Variants in SIPA1L1 observed in about 807,000 individuals in gnomAD.
SIPA1L1 encodes signal-induced proliferation-associated 1-like protein 1.
A neutral mutation model predicts 162.7 loss-of-function variants in SIPA1L1; 26 were observed. That is an observed-to-expected ratio of 0.16 (90% CI 0.12 to 0.22). The LOEUF (loss-of-function observed/expected upper bound fraction) is 0.22. SIPA1L1 is among the 10% of genes least tolerant of loss of function. The pLI, the probability that SIPA1L1 is intolerant of heterozygous loss-of-function variation, is 1.00. For synonymous variants in SIPA1L1, 829 were observed against 837.4 expected (o/e 0.99, Z 0.17); for missense variants, 1,874 against 2,241.0 (o/e 0.84, Z 3.31).
chr14:71,577,075 A>C (rs1421344641), intron 4 of SIPA1L1, among the ~76,000 whole-genome samples: 1 of 151,252 alleles, frequency 6.6e-6, no homozygotes, highest in African/African-American at 2.4e-5. Flanking sequence ...AGAGCAAAAA[A>C]AAAAAAAAAA....
At chr14:71,515,819 T>A (rs2051667486) in intron 3 of SIPA1L1, among the ~76,000 whole-genome samples, 1 of 152,038 alleles carries the variant, frequency 6.6e-6, no homozygotes, top group Non-Finnish European at 1.5e-5. Flanking sequence ...TTTGTTGTTG[T>A]TTAGTAGAGA....
chr14:71,661,364 C>T lies in SIPA1L1; in HGVS notation c.2152C>T (p.Pro718Ser). Residue 718 changes from proline to serine, a missense_variant, in exon 10 of 24, where the codon CCT becomes TCT. By Grantham distance (74) the Pro-to-Ser change is moderately conservative. Transcript: ENST00000381232. ...TATCGTAACAATTGTTTTCCAAGAG[C>T]CTGGAGCACAGCCATTCAGCCCAAA... ...NDIVTIVFQE[P>S]GAQPFSPKNI... The T allele has an allele frequency of 6.2e-7, 1 of 1,613,974 alleles. No homozygotes were observed.
intron 12 of SIPA1L1, among the ~76,000 whole-genome samples, chr14:71,674,436 A>G (rs553515781): frequency 1.5e-4 from 23 of 152,056 alleles, no homozygotes; most frequent in African/African-American, 5.6e-4. Context: ...AATAACTAAT[A>G]TACTGAGTTT....
chr14:71,522,296 T>G (rs1245331514), intron 3 of SIPA1L1, among the ~76,000 whole-genome samples: 2 of 152,320 alleles, frequency 1.3e-5, no homozygotes, highest in East Asian at 3.9e-4. Flanking sequence ...TTTATGTCTC[T>G]TGGTATTGAT....
intron 4 of SIPA1L1, among the ~76,000 whole-genome samples, chr14:71,530,565 A>T: frequency 6.6e-6 from 1 of 152,208 alleles, no homozygotes; most frequent in East Asian, 1.9e-4. Flanking sequence ...AAAAGCATAT[A>T]AGGCATAACA....
At chr14:71,365,838 A>T (rs533060738) in intron 2 of SIPA1L1, among the ~76,000 whole-genome samples, 3 of 149,532 alleles carry the variant, frequency 2.0e-5, no homozygotes. Flanking sequence ...CCATCCTCCT[A>T]CCTCAGCCTC....
intron 5 of SIPA1L1, among the ~76,000 whole-genome samples, chr14:71,602,239 C>T (rs566782374): frequency 6.6e-6 from 1 of 152,038 alleles, no homozygotes; most frequent in African/African-American, 2.4e-5. Context: ...CATATCCCAT[C>T]GGTTTTGTAC....
At chr14:71,490,897 A>G (rs1226358574) in intron 2 of SIPA1L1, among the ~76,000 whole-genome samples, 4 of 152,182 alleles carry the variant, frequency 2.6e-5, no homozygotes, top group Non-Finnish European at 5.9e-5. Context: ...ATCGTAGAGA[A>G]CATTTTCAAA....
chr14:71,356,988 A>G (rs2037338337), intron 2 of SIPA1L1, among the ~76,000 whole-genome samples: 1 of 152,166 alleles, frequency 6.6e-6, no homozygotes, highest in African/African-American at 2.4e-5. Flanking sequence ...ATATTGAAGA[A>G]TGAAATTAAT....
At chr14:71,483,994 TTGTC>T (rs1365325788) in intron 2 of SIPA1L1, among the ~76,000 whole-genome samples, 1 of 152,212 alleles carries the variant, frequency 6.6e-6, no homozygotes, top group Non-Finnish European at 1.5e-5. Context: ...TGTACGATGT[TTGTC>T]TGTTCATATG....
At chr14:71,448,298 A>C (rs1165938696) in intron 2 of SIPA1L1, among the ~76,000 whole-genome samples, 1 of 152,116 alleles carries the variant, frequency 6.6e-6, no homozygotes, top group Admixed American at 6.6e-5. Flanking sequence ...ACCTTTATTG[A>C]TCAATCAGTT....
intron 17 of SIPA1L1, 128 bp from the exon 18 acceptor site, chr14:71,723,519 A>C (rs1382742256): frequency 2.0e-6 from 2 of 992,998 alleles, no homozygotes; most frequent in Non-Finnish European, 3.0e-6. Flanking sequence ...CCAGCCAGGC[A>C]TCGCTGTTAA....
chr14:71,450,678 T>G (rs1490514307), intron 2 of SIPA1L1, among the ~76,000 whole-genome samples: 1 of 151,062 alleles, frequency 6.6e-6, no homozygotes, highest in African/African-American at 2.4e-5. Context: ...GAATGGCTGT[T>G]ATTAAAACCT....
intron 2 of SIPA1L1, among the ~76,000 whole-genome samples, chr14:71,467,685 A>G (rs555160651): frequency 1.3e-5 from 2 of 152,188 alleles, no homozygotes; most frequent in African/African-American, 4.8e-5. Context: ...TGTCATGCCT[A>G]GAGGTTTAGT....
At chr14:71,366,637 T>C (rs1250033674) in intron 2 of SIPA1L1, among the ~76,000 whole-genome samples, 1 of 152,098 alleles carries the variant, frequency 6.6e-6, no homozygotes, top group African/African-American at 2.4e-5. Context: ...TGGGTTTCAC[T>C]GTGTTAGCCA....
intron 2 of SIPA1L1, among the ~76,000 whole-genome samples, chr14:71,480,959 A>G (rs1427864358): frequency 6.6e-6 from 1 of 152,192 alleles, no homozygotes; most frequent in Non-Finnish European, 1.5e-5. Flanking sequence ...TTTTAATACC[A>G]TATGTAAATT....
chr14:71,349,013 A>G (rs541334285), intron 2 of SIPA1L1, among the ~76,000 whole-genome samples: 28 of 152,354 alleles, frequency 1.8e-4, no homozygotes, highest in Admixed American at 5.2e-4. Context: ...ATCCACCGCA[A>G]GGGTTGTGGT....
chr14:71,558,959 C>T (rs574496018), intron 4 of SIPA1L1, among the ~76,000 whole-genome samples: 2 of 152,294 alleles, frequency 1.3e-5, no homozygotes, highest in South Asian at 2.1e-4. Context: ...GTTGGGATTA[C>T]TGGTGTAAGC....
intron 5 of SIPA1L1, among the ~76,000 whole-genome samples, chr14:71,609,215 A>G (rs2037897028): frequency 6.6e-6 from 1 of 152,040 alleles, no homozygotes; most frequent in South Asian, 2.1e-4. Flanking sequence ...TTGTTGCCCC[A>G]TTGATCCCAA....
Sources: allele counts gnomAD v4.1 joint callset (sites outside exome capture counted in the v4.1 genomes callset), GRCh38; gene constraint gnomAD v4.1.1; transcripts MANE v1.5; gene names NCBI Gene and HGNC (gene_info 2026-07-23, HGNC 2026-07-21).